The following GPC5 variants were observed in gnomAD, a reference collection of about 807,000 sequenced individuals.
GPC5 encodes glypican 5.
GPC5 carries 47 observed loss-of-function variants against 53.9 expected under a neutral mutation model. The ratio of observed to expected loss-of-function variants is 0.87; its 90% CI spans 0.69 to 1.11. The LOEUF is 1.11. Ranked by LOEUF, GPC5 falls within the 50% of genes most tolerant of loss-of-function variation. The pLI is 0.00. For synonymous variants in GPC5, 286 were observed against 263.3 expected, an observed-to-expected ratio of 1.09 and a Z score of -0.84; for missense variants, 748 against 713.1, an observed-to-expected ratio of 1.05 and a Z score of -0.56.
intron 5 of GPC5, among the ~76,000 whole-genome samples, chr13:91,811,745 C>A (rs2038314837): frequency 6.6e-6 from 1 of 152,162 alleles, no homozygotes; most frequent in Non-Finnish European, 1.5e-5. Flanking sequence ...AAAACAAAGT[C>A]ATTATAACTA....
chr13:92,380,318 T>TA (rs1316901359), intron 7 of GPC5, among the ~76,000 whole-genome samples: 1 of 152,170 alleles, frequency 6.6e-6, no homozygotes, highest in Non-Finnish European at 1.5e-5. Context: ...AGTGAGAAGT[T>TA]ACATTCCTGA....
chr13:92,805,375 ATCT>A (rs1877055719), intron 7 of GPC5, among the ~76,000 whole-genome samples: 2 of 152,192 alleles, frequency 1.3e-5, no homozygotes, highest in South Asian at 4.1e-4. Flanking sequence ...CTCCTTGTAC[ATCT>A]TCTTCAGAGC....
intron 7 of GPC5, among the ~76,000 whole-genome samples, chr13:92,381,880 T>TTATATA (rs1555331656): frequency 2.3e-5 from 1 of 43,014 alleles, no homozygotes; most frequent in East Asian, 9.4e-4. Context: ...ATATATATGA[T>TTATATA]TATATATATT....
chr13:91,971,302 C>T (rs1185318954), intron 6 of GPC5, among the ~76,000 whole-genome samples: 14 of 152,078 alleles, frequency 9.2e-5, no homozygotes, highest in South Asian at 6.2e-4. Flanking sequence ...TCTGTGGGAT[C>T]GGTGGTGATA....
intron 2 of GPC5, among the ~76,000 whole-genome samples, chr13:91,607,907 T>C (rs2033424188): frequency 6.6e-6 from 1 of 152,224 alleles, no homozygotes; most frequent in Non-Finnish European, 1.5e-5. Flanking sequence ...AATATTGCTT[T>C]AGAATTTTTT....
chr13:92,847,531 A>C (rs1218221047), intron 7 of GPC5, among the ~76,000 whole-genome samples: 2 of 151,868 alleles, frequency 1.3e-5, no homozygotes. Flanking sequence ...TTCTCCAGCC[A>C]TGTACCTACT....
chr13:91,861,202 T>C (rs2138911903), intron 5 of GPC5, among the ~76,000 whole-genome samples: 1 of 152,322 alleles, frequency 6.6e-6, no homozygotes, highest in South Asian at 2.1e-4. Flanking sequence ...TTAAGTGTAG[T>C]TTTTATAAAT....
chr13:91,495,894 G>A (rs890744186), intron 2 of GPC5, among the ~76,000 whole-genome samples: 2 of 152,064 alleles, frequency 1.3e-5, no homozygotes, highest in Non-Finnish European at 2.9e-5. Flanking sequence ...GTGGTGGCGG[G>A]TGCCTGTAAT....
intron 7 of GPC5, among the ~76,000 whole-genome samples, chr13:92,651,831 A>C (rs1031858934): frequency 6.6e-6 from 1 of 152,194 alleles, no homozygotes; most frequent in Non-Finnish European, 1.5e-5. Context: ...AAAGAAATTT[A>C]AAATGTGATT....
chr13:92,160,283 G>A (rs1303086670), intron 7 of GPC5, among the ~76,000 whole-genome samples: 1 of 152,090 alleles, frequency 6.6e-6, no homozygotes, highest in Non-Finnish European at 1.5e-5. Context: ...TATCTAAAAT[G>A]GTTCCTGTTT....
chr13:92,037,986 G>A lies in GPC5; in HGVS notation c.1402-106844G>A, dbSNP rs148406301. 5.5e-3 allele frequency among the ~76,000 whole-genome samples: 843 copies of A among 152,160 alleles called. 3 individuals carry two copies. Among genetic ancestry groups the A allele is most frequent in the Non-Finnish European group, 8.3e-3 (561 of 68,000 alleles). Reference sequence around the variant, plus strand: ...TGATAAGAATAGCCTAATGGTGACCGTGATAAGGGTAGATACAGAGAAACC... The same window carrying A: ...TGATAAGAATAGCCTAATGGTGACCATGATAAGGGTAGATACAGAGAAACC... On this transcript the variant is annotated intron_variant, in intron 6 of 7. Coordinates refer to ENST00000377067, the MANE Select transcript of GPC5 (RefSeq NM_004466.6).
At chr13:91,421,402 C>A (rs983541726) in intron 1 of GPC5, among the ~76,000 whole-genome samples, 2 of 152,024 alleles carry the variant, frequency 1.3e-5, no homozygotes, top group Admixed American at 6.5e-5. Context: ...TAATTGTATC[C>A]TAATTATTAT....
At chr13:92,336,659 AGTTT>A (rs1289165984) in intron 7 of GPC5, among the ~76,000 whole-genome samples, 1 of 152,234 alleles carries the variant, frequency 6.6e-6, no homozygotes, top group Non-Finnish European at 1.5e-5. Flanking sequence ...ATAATTATGT[AGTTT>A]GTTTTCAAGG....
At chr13:92,156,166 C>A (rs2041943699) in intron 7 of GPC5, among the ~76,000 whole-genome samples, 1 of 152,072 alleles carries the variant, frequency 6.6e-6, no homozygotes, top group South Asian at 2.1e-4. Context: ...CATATCTTCT[C>A]TTCTTAACTT....
At position 91,861,862 on chromosome 13, in the gene GPC5, TTATC is replaced by T. The variant is rs1267925799; in HGVS notation, c.1281-46074_1281-46071del. ...TACTGAGTTATTTGTCTTACAGTAATTATCAATTTATAGTTAACTAATCTAAATT... is the reference window on the plus strand; with the variant it reads ...TACTGAGTTATTTGTCTTACAGTAATAATTTATAGTTAACTAATCTAAATT... On this transcript the variant is annotated intron_variant, in intron 5 of 7. Transcript: ENST00000377067. 5.3e-5 allele frequency among the ~76,000 whole-genome samples: 8 copies of T among 151,576 alleles called. No homozygotes were observed. In the East Asian group the frequency reaches 1.6e-3, roughly 30 times the overall value.
chr13:92,446,198 T>C (rs1877818441), intron 7 of GPC5, among the ~76,000 whole-genome samples: 1 of 151,960 alleles, frequency 6.6e-6, no homozygotes, highest in East Asian at 1.9e-4. Context: ...TTTCTAACTT[T>C]TTTTTTACCC....
chr13:92,320,276 C>T (rs943808524), intron 7 of GPC5, among the ~76,000 whole-genome samples: 29 of 152,196 alleles, frequency 1.9e-4, no homozygotes, highest in Middle Eastern at 3.4e-3. Flanking sequence ...AAATTCTCAT[C>T]TCAAATATTT....
intron 2 of GPC5, among the ~76,000 whole-genome samples, chr13:91,506,762 A>T (rs1884967279): frequency 6.6e-6 from 1 of 152,162 alleles, no homozygotes; most frequent in African/African-American, 2.4e-5. Flanking sequence ...TAAATTAAAA[A>T]TATAATGAAT....
At chr13:91,534,585 A>G (rs2138687535) in intron 2 of GPC5, among the ~76,000 whole-genome samples, 1 of 152,352 alleles carries the variant, frequency 6.6e-6, no homozygotes, top group Non-Finnish European at 1.5e-5. Flanking sequence ...CTCAGAAAGA[A>G]AAAATGGTGG....
Sources: allele counts gnomAD v4.1 joint callset (sites outside exome capture counted in the v4.1 genomes callset), GRCh38; gene constraint gnomAD v4.1.1; transcripts MANE v1.5; gene names NCBI Gene and HGNC (gene_info 2026-07-23, HGNC 2026-07-21).